GRM7: variants seen among roughly 807,000 people sequenced by gnomAD.
GRM7 encodes metabotropic glutamate receptor 7.
Under a neutral mutation model 84.5 loss-of-function variants are expected in GRM7, and 35 were observed. That is an observed-to-expected ratio of 0.41 (90% confidence interval 0.32 to 0.55). GRM7 has a LOEUF of 0.55. Ranked by LOEUF, GRM7 falls within the 20% of genes least tolerant of loss-of-function variation. GRM7 has a pLI of 0.19. For missense variants in GRM7, 1,003 were observed against 1,194.6 expected, an observed-to-expected ratio of 0.84 and a Z score of 2.36; for synonymous variants, 487 against 455.1, an observed-to-expected ratio of 1.07 and a Z score of -0.89.
chr3:7,158,052 C>T (rs754773874), intron 2 of GRM7, among the ~76,000 whole-genome samples: 9 of 152,128 alleles, frequency 5.9e-5, no homozygotes, highest in Admixed American at 5.2e-4. Context: ...TTTAGCAAAA[C>T]TAGCTTTATA....
At chr3:7,475,578 G>C (rs1158614695) in intron 7 of GRM7, among the ~76,000 whole-genome samples, 1 of 152,170 alleles carries the variant, frequency 6.6e-6, no homozygotes, top group Non-Finnish European at 1.5e-5. Context: ...GGAATTCATA[G>C]CTCTTCACTT....
At chr3:7,423,362 G>A (rs1559311564) in intron 5 of GRM7, among the ~76,000 whole-genome samples, 1 of 152,188 alleles carries the variant, frequency 6.6e-6, no homozygotes, top group Admixed American at 6.5e-5. Flanking sequence ...TTAAAATTGG[G>A]AGTTATGGCC....
intron 7 of GRM7, among the ~76,000 whole-genome samples, chr3:7,525,755 T>C (rs570029204): frequency 2.6e-5 from 4 of 152,142 alleles, no homozygotes; most frequent in African/African-American, 9.7e-5. Context: ...CTCACCTTTA[T>C]GTCCATGTGT....
intron 2 of GRM7, among the ~76,000 whole-genome samples, chr3:7,231,211 T>C (rs948728457): frequency 1.3e-5 from 2 of 152,304 alleles, no homozygotes; most frequent in African/African-American, 2.4e-5. Context: ...TGTGAGATTG[T>C]GATTCCTGGA....
chr3:7,472,483 C>T (rs1038549381), intron 7 of GRM7, among the ~76,000 whole-genome samples: 2 of 152,122 alleles, frequency 1.3e-5, no homozygotes, highest in Non-Finnish European at 2.9e-5. Context: ...CATATAGAAT[C>T]CCCCACTGAG....
chr3:7,600,325 A>G (rs1176008671), intron 8 of GRM7, among the ~76,000 whole-genome samples: 2 of 152,150 alleles, frequency 1.3e-5, no homozygotes, highest in Non-Finnish European at 2.9e-5. Flanking sequence ...AATGAGACAC[A>G]CACCAAATAA....
At chr3:7,345,303 C>T (rs1339193322) in intron 4 of GRM7, among the ~76,000 whole-genome samples, 2 of 148,978 alleles carry the variant, frequency 1.3e-5, no homozygotes, top group Non-Finnish European at 3.0e-5. Flanking sequence ...GAGACAGAGT[C>T]TCACTCTGTC....
chr3:7,041,460 TTAA>T (rs1408190423), intron 1 of GRM7, among the ~76,000 whole-genome samples: 3 of 151,832 alleles, frequency 2.0e-5, no homozygotes, highest in African/African-American at 7.3e-5. Flanking sequence ...GTATTAATAG[TTAA>T]TTTCTTTTTA....
chr3:7,214,644 A>C (rs1308070909), intron 2 of GRM7, among the ~76,000 whole-genome samples: 1 of 152,236 alleles, frequency 6.6e-6, no homozygotes, highest in Admixed American at 6.5e-5. Flanking sequence ...ATTGCTGAAC[A>C]AATGTTTGTT....
chr3:7,579,000 C>T lies in GRM7; in HGVS notation c.2094C>T (p.Ser698=). 1 of 1,613,996 alleles carries T rather than the reference C, an allele frequency of 6.2e-7. No homozygotes were observed. Among genetic ancestry groups the T allele is most frequent in the Non-Finnish European group, 8.5e-7 (1 of 1,179,942 alleles). Residue 698 remains serine, a synonymous_variant, in exon 8 of 10, where the codon AGC becomes AGT. Coordinates refer to ENST00000357716, the MANE Select transcript of GRM7 (RefSeq NM_000844.4). ...CAGTAACAGCTCCCAGACTCATAAG[C>T]CCAACATCACAACTGGCAATCACTT... ...KKSVTAPRLI[S]PTSQLAITSS... is the part of the protein sequence containing the mutation.
intron 7 of GRM7, among the ~76,000 whole-genome samples, chr3:7,479,828 C>T (rs1405718745): frequency 1.3e-5 from 2 of 152,090 alleles, no homozygotes; most frequent in East Asian, 3.9e-4. Flanking sequence ...GTCATAACTG[C>T]TATGCATGCT....
chr3:7,700,453 GT>G (rs1205436449), intron 9 of GRM7, among the ~76,000 whole-genome samples: 2 of 152,186 alleles, frequency 1.3e-5, no homozygotes, highest in African/African-American at 4.8e-5. Flanking sequence ...GAGTGCCTCA[GT>G]CTAGATCGGT....
chr3:6,940,012 A>G (rs1035839405), intron 1 of GRM7, among the ~76,000 whole-genome samples: 11 of 152,204 alleles, frequency 7.2e-5, no homozygotes, highest in Non-Finnish European at 1.2e-4. Context: ...AACTATAATA[A>G]GAATACAATA....
At chr3:7,224,705 T>G (rs1696923520) in intron 2 of GRM7, among the ~76,000 whole-genome samples, 1 of 152,218 alleles carries the variant, frequency 6.6e-6, no homozygotes, top group East Asian at 1.9e-4. Flanking sequence ...TCATGGCATG[T>G]GCTTTCATTT....
At chr3:7,356,498 C>T (rs551747956) in intron 4 of GRM7, among the ~76,000 whole-genome samples, 12 of 151,924 alleles carry the variant, frequency 7.9e-5, no homozygotes, top group Non-Finnish European at 1.5e-4. Context: ...GATGAGGTTT[C>T]ACTATGTTGC....
chr3:7,286,804 C>A (rs1397999774), intron 2 of GRM7, among the ~76,000 whole-genome samples: 3 of 152,118 alleles, frequency 2.0e-5, no homozygotes, highest in African/African-American at 7.2e-5. Flanking sequence ...ATTTATTCCT[C>A]TTTTGAGTAC....
chr3:7,324,078 C>G (rs1367131652), intron 4 of GRM7, among the ~76,000 whole-genome samples: 1 of 152,028 alleles, frequency 6.6e-6, no homozygotes, highest in African/African-American at 2.4e-5. Context: ...CCCAAGGAAA[C>G]CAGTACTGTG....
chr3:7,085,739 T>C (rs1698434133), intron 1 of GRM7, among the ~76,000 whole-genome samples: 2 of 152,008 alleles, frequency 1.3e-5, no homozygotes, highest in African/African-American at 2.4e-5. Context: ...TTTAAGCCTT[T>C]TGCTGGTGAA....
At position 7,518,720 on chromosome 3, in the gene GRM7, A is replaced by G. The variant is rs1144014; in HGVS notation, c.1515+56998A>G. Reference sequence around the variant, plus strand: ...TAAGAAGCCAGACAAATTTAAAACCATAGCTGCTCAAATAGAAATTAGTAA... The same window carrying G: ...TAAGAAGCCAGACAAATTTAAAACCGTAGCTGCTCAAATAGAAATTAGTAA... On this transcript the variant is annotated intron_variant, in intron 7 of 9. Coordinates refer to ENST00000357716, the MANE Select transcript of GRM7 (RefSeq NM_000844.4). Among the ~76,000 whole-genome samples, 330 of 152,348 alleles carry G rather than the reference A, an allele frequency of 2.2e-3. 2 individuals are homozygous for G. Among genetic ancestry groups the G allele is most frequent in the South Asian group, 9.7e-3 (47 of 4,826 alleles).
Sources: allele counts gnomAD v4.1 joint callset (sites outside exome capture counted in the v4.1 genomes callset), GRCh38; gene constraint gnomAD v4.1.1; transcripts MANE v1.5; gene names NCBI Gene and HGNC (gene_info 2026-07-23, HGNC 2026-07-21).